VIT: variants seen among roughly 807,000 people sequenced by gnomAD.
The protein encoded by VIT is vitrin.
Under a neutral mutation model 78.0 loss-of-function variants are expected in VIT, and 99 were observed. The observed-to-expected ratio is 1.27, with a 90% CI of 1.08 to 1.50. The LOEUF (loss-of-function observed/expected upper bound fraction) is 1.50, where lower values mean the gene tolerates loss of function less well. Among genes scored for constraint, VIT ranks in the 40% most tolerant of loss-of-function variants. The pLI is 0.00. For synonymous variants in VIT, 374 were observed against 334.3 expected (o/e 1.12, Z -1.29); for missense variants, 1,126 against 875.3 (o/e 1.29, Z -3.61).
intron 2 of VIT, among the ~76,000 whole-genome samples, chr2:36,718,668 T>C (rs560948257): frequency 4.6e-5 from 7 of 152,282 alleles, no homozygotes; most frequent in African/African-American, 1.7e-4. Context: ...CCCTGGCTCC[T>C]GTCAGATGGC....
At chr2:36,768,688 G>A (rs1002267444) in intron 7 of VIT, among the ~76,000 whole-genome samples, 1 of 152,140 alleles carries the variant, frequency 6.6e-6, no homozygotes, top group Non-Finnish European at 1.5e-5. Flanking sequence ...CCTCTTCCTT[G>A]CAGGGGAGCA....
chr2:36,812,188 G>A (rs948073664), intron 15 of VIT, among the ~76,000 whole-genome samples: 3 of 152,086 alleles, frequency 2.0e-5, no homozygotes, highest in African/African-American at 4.8e-5. Context: ...AAGGGGACTG[G>A]CAGCTTAAAT....
intron 6 of VIT, among the ~76,000 whole-genome samples, chr2:36,765,652 G>A (rs1669386505): frequency 1.3e-5 from 2 of 152,126 alleles, no homozygotes; most frequent in Non-Finnish European, 1.5e-5. Context: ...TGACGACGGA[G>A]CAGAGAAACA....
At chr2:36,720,196 C>T (rs546100572) in intron 2 of VIT, among the ~76,000 whole-genome samples, 1 of 152,066 alleles carries the variant, frequency 6.6e-6, no homozygotes, top group South Asian at 2.1e-4. Context: ...CAATCCTGAG[C>T]AAAAAGAACA....
intron 12 of VIT, among the ~76,000 whole-genome samples, chr2:36,792,802 G>T (rs529220493): frequency 6.6e-6 from 1 of 152,124 alleles, no homozygotes; most frequent in Non-Finnish European, 1.5e-5. Context: ...CCAGAGGGCT[G>T]GGGGAGCTCC....
chr2:36,775,801 C>A (rs552410133), intron 9 of VIT, among the ~76,000 whole-genome samples: 1 of 150,510 alleles, frequency 6.6e-6, no homozygotes, highest in South Asian at 2.1e-4. Flanking sequence ...AAGGACTCCC[C>A]CAACACACTC....
chr2:36,722,075 C>T (rs116215732), intron 2 of VIT, among the ~76,000 whole-genome samples: 4,444 of 152,262 alleles, frequency 0.029, 95 homozygotes, highest in Non-Finnish European at 0.041. Context: ...CGGAGCCATC[C>T]AAGGATCCCT....
chr2:36,769,509 G>A lies in VIT; in HGVS notation c.679+2224G>A, dbSNP rs142994437. On this transcript the variant is annotated intron_variant, in intron 7 of 15. Coordinates refer to ENST00000379242, the MANE Select transcript of VIT (RefSeq NM_053276.4). ...TCCACAGACTGCTAGACAAACGCTC[G>A]GAGCAAGCAAGCCATGAAGCATGCA... 2.9e-3 allele frequency among the ~76,000 whole-genome samples: 442 copies of A among 152,246 alleles called. 3 individuals carry two copies. The highest frequency in any genetic ancestry group is 0.01 in the African/African-American group (428 of 41,534).
intron 3 of VIT, among the ~76,000 whole-genome samples, chr2:36,740,868 A>C (rs1047123626): frequency 1.3e-5 from 2 of 152,226 alleles, no homozygotes; most frequent in African/African-American, 4.8e-5. Flanking sequence ...ATGTGCACCC[A>C]GAAGTCTTTC....
intron 2 of VIT, among the ~76,000 whole-genome samples, chr2:36,722,214 T>G (rs533005312): frequency 2.6e-5 from 4 of 152,340 alleles, no homozygotes; most frequent in African/African-American, 9.6e-5. Context: ...CTCATTGTCA[T>G]TGGAGTATTG....
chr2:36,776,747 A>G (rs921629816), intron 9 of VIT, among the ~76,000 whole-genome samples: 1 of 151,904 alleles, frequency 6.6e-6, no homozygotes, highest in Non-Finnish European at 1.5e-5. Flanking sequence ...GTAAGCTGAG[A>G]TGGCGCCACT....
chr2:36,781,627 G>A, intron 9 of VIT, 100 bp from the exon 10 acceptor site: 2 of 1,361,318 alleles, frequency 1.5e-6, no homozygotes, highest in Non-Finnish European at 2.1e-6. Flanking sequence ...TGAACTTTCA[G>A]ACACAATTGG....
chr2:36,745,156 ATTCTT>A (rs1668062743), intron 4 of VIT, among the ~76,000 whole-genome samples: 1 of 151,950 alleles, frequency 6.6e-6, no homozygotes, highest in Non-Finnish European at 1.5e-5. Flanking sequence ...TGAGTTTTCT[ATTCTT>A]TTCCGTCGTC....
At chr2:36,791,662 A>T (rs1175676522) in intron 12 of VIT, among the ~76,000 whole-genome samples, 1 of 152,150 alleles carries the variant, frequency 6.6e-6, no homozygotes, top group African/African-American at 2.4e-5. Flanking sequence ...TTGAAGATGG[A>T]GGAAAGGGAC....
chr2:36,792,519 C>G (rs2148646147), intron 12 of VIT, among the ~76,000 whole-genome samples: 1 of 152,230 alleles, frequency 6.6e-6, no homozygotes, highest in African/African-American at 2.4e-5. Flanking sequence ...ATCTGGGGTC[C>G]CTGAGATCAG....
intron 5 of VIT, 36 bp downstream of exon 5, chr2:36,755,090 A>G (rs567945922): frequency 6.3e-7 from 1 of 1,593,112 alleles, no homozygotes; most frequent in South Asian, 1.1e-5. Context: ...TGCTAAACCT[A>G]CCACAAGATG....
At chr2:36,801,840 A>G (rs966390120) in intron 13 of VIT, among the ~76,000 whole-genome samples, 1 of 152,076 alleles carries the variant, frequency 6.6e-6, no homozygotes, top group South Asian at 2.1e-4. Context: ...TAAAGTTATC[A>G]TGGCTTCAGA....
At chr2:36,814,151 G>A (rs984092560) in intron 15 of VIT, 32 bp from the exon 16 acceptor site, 6 of 1,600,764 alleles carry the variant, frequency 3.7e-6, no homozygotes, top group Non-Finnish European at 5.1e-6. Context: ...TTTACTTGGG[G>A]ACATTTGTTC....
intron 4 of VIT, among the ~76,000 whole-genome samples, chr2:36,747,229 A>G (rs1420715468): frequency 6.6e-6 from 1 of 152,164 alleles, no homozygotes; most frequent in Non-Finnish European, 1.5e-5. Context: ...CATGTGGTCA[A>G]TCATAGAGTA....
Sources: allele counts gnomAD v4.1 joint callset (sites outside exome capture counted in the v4.1 genomes callset), GRCh38; gene constraint gnomAD v4.1.1; transcripts MANE v1.5; gene names NCBI Gene and HGNC (gene_info 2026-07-23, HGNC 2026-07-21).